TRAPPC9: variants seen among roughly 807,000 people sequenced by gnomAD.
The protein encoded by TRAPPC9 is IKK2 binding protein.
TRAPPC9 carries 83 observed loss-of-function variants against 124.0 expected under a neutral mutation model. That is an observed-to-expected ratio of 0.67 (90% CI 0.56 to 0.80). The LOEUF (loss-of-function observed/expected upper bound fraction) is 0.80. Ranked by LOEUF, TRAPPC9 falls within the 30% of genes least tolerant of loss-of-function variation. TRAPPC9 has a pLI of 0.00. For synonymous variants in TRAPPC9, 638 were observed against 617.5 expected, an observed-to-expected ratio of 1.03 and a Z score of -0.49; for missense variants, 1,302 against 1,508.3, an observed-to-expected ratio of 0.86 and a Z score of 2.27.
intron 4 of TRAPPC9, among the ~76,000 whole-genome samples, chr8:140,430,772 G>A (rs1450513516): frequency 6.6e-6 from 1 of 152,118 alleles, no homozygotes; most frequent in African/African-American, 2.4e-5. Flanking sequence ...TTGAGTAGCT[G>A]GGACTACAGG....
intron 21 of TRAPPC9, among the ~76,000 whole-genome samples, chr8:139,754,980 G>C (rs1405976416): frequency 1.3e-5 from 2 of 152,256 alleles, no homozygotes; most frequent in Non-Finnish European, 2.9e-5. Flanking sequence ...AGCTGTCACT[G>C]CCAGGGGCCC....
chr8:140,419,370 A>G lies in TRAPPC9; in HGVS notation c.886+7245T>C, dbSNP rs191436254. ...CGTGAACCTCGGAGGTGGAGCTTGC[A>G]GTGAGCTGAGATCGCACCACTGCAC... On this transcript the variant is annotated intron_variant, in intron 5 of 22. Transcript: ENST00000438773. Among the ~76,000 whole-genome samples the G allele has an allele frequency of 5.0e-3, 684 of 136,772 alleles. 6 individuals are homozygous for G. The highest frequency in any genetic ancestry group is 0.017 in the African/African-American group (644 of 37,230). 89.7% of individuals were successfully genotyped at this position (136,772 alleles called of 152,430 possible). A position where few individuals can be genotyped will look rare whatever the true frequency, so the allele number is the denominator to read the frequency against.
In TRAPPC9 at chr8:140,277,092, C is replaced by T. The variant is rs144952030; in HGVS notation, c.2115-1271G>A. Among the ~76,000 whole-genome samples, 143 of 152,260 alleles carry T rather than the reference C, an allele frequency of 9.4e-4. No individual in the cohort carries two copies. The Middle Eastern group carries it at 0.01, about 11-fold the overall frequency. On this transcript the variant is annotated intron_variant, in intron 14 of 22. Coordinates refer to ENST00000438773, the MANE Select transcript of TRAPPC9 (RefSeq NM_001160372.4). ...TCGGAGTCGGATCTGCTTCCCACGC[C>T]GAAGCACTTGGTGTCACACACTATT... is the stretch of plus-strand genomic sequence containing the variant.
In TRAPPC9 at chr8:139,956,043, CGA is replaced by C. The variant is rs1234290670; in HGVS notation, c.2810+32681_2810+32682del. Among the ~76,000 whole-genome samples the C allele has an allele frequency of 2.6e-5, 4 of 152,194 alleles. No homozygotes were observed. In the South Asian group the frequency reaches 6.2e-4, roughly 24 times the overall value. ...AGCTGGTTAGCACGCGGAGACCTGACGAGAGTGTGGCTGTGCCTAGAACCAGC... is the reference window on the plus strand; with the variant it reads ...AGCTGGTTAGCACGCGGAGACCTGACGAGTGTGGCTGTGCCTAGAACCAGC... On this transcript the variant is annotated intron_variant, in intron 19 of 22. Coordinates refer to ENST00000438773, the MANE Select transcript of TRAPPC9 (RefSeq NM_001160372.4).
intron 17 of TRAPPC9, among the ~76,000 whole-genome samples, chr8:140,202,261 T>C (rs567967860): frequency 6.6e-6 from 1 of 151,760 alleles, no homozygotes; most frequent in East Asian, 1.9e-4. Flanking sequence ...GGCCAAATTA[T>C]GACAAGTGAA....
rs556440178 is a variant in TRAPPC9, at chr8:140,182,542, C to T, written c.2556+38917G>A. Reference sequence around the variant, plus strand: ...TACTATTTTAAGGCAATTTAGTGCACGCTGATCTAAGCTCACTGATCGAAG... The same window carrying T: ...TACTATTTTAAGGCAATTTAGTGCATGCTGATCTAAGCTCACTGATCGAAG... On this transcript the variant is annotated intron_variant, in intron 17 of 22. Coordinates refer to ENST00000438773, the MANE Select transcript of TRAPPC9 (RefSeq NM_001160372.4). The surrounding 1 kb of genome is among the most constrained non-coding windows in gnomAD (Gnocchi z 4.0). Among the ~76,000 whole-genome samples the T allele has an allele frequency of 5.1e-4, 77 of 152,272 alleles. No homozygotes were observed. The highest frequency in any genetic ancestry group is 1.6e-3 in the African/African-American group (67 of 41,564).
At chr8:140,082,258 T>TTC (rs397695836) in intron 17 of TRAPPC9, 1 of 151,828 alleles carries the variant, frequency 6.6e-6, no homozygotes, top group African/African-American at 2.4e-5. Flanking sequence ...TTTTTTTTTT[T>TTC]CCCTAAGAAT....
intron 17 of TRAPPC9, among the ~76,000 whole-genome samples, chr8:140,058,874 C>A (rs1280370162): frequency 6.6e-6 from 1 of 152,134 alleles, no homozygotes; most frequent in African/African-American, 2.4e-5. Context: ...TCGGGAGAGT[C>A]AGGAGGGCCT....
At chr8:140,324,363 T>G (rs1240878849) in intron 9 of TRAPPC9, among the ~76,000 whole-genome samples, 1 of 152,204 alleles carries the variant, frequency 6.6e-6, no homozygotes, top group Non-Finnish European at 1.5e-5. Context: ...ATACTAAATT[T>G]GTATGTACTT....
At chr8:139,828,345 T>C (rs1825772332) in intron 21 of TRAPPC9, among the ~76,000 whole-genome samples, 1 of 152,214 alleles carries the variant, frequency 6.6e-6, no homozygotes, top group African/African-American at 2.4e-5. Flanking sequence ...CCTCCTAGCA[T>C]TCTCTTTTAT....
chr8:140,340,674 A>C (rs1307909062), intron 9 of TRAPPC9, among the ~76,000 whole-genome samples: 2 of 152,232 alleles, frequency 1.3e-5, no homozygotes, highest in Non-Finnish European at 2.9e-5. Flanking sequence ...CCAGGATACA[A>C]ACCCAGCTCT....
chr8:140,391,860 C>G (rs1446800390), intron 7 of TRAPPC9, among the ~76,000 whole-genome samples: 1 of 152,036 alleles, frequency 6.6e-6, no homozygotes, highest in Non-Finnish European at 1.5e-5. Flanking sequence ...AACCCCATCT[C>G]TACCAAAAAT....
intron 19 of TRAPPC9, among the ~76,000 whole-genome samples, chr8:139,925,820 C>CGCACAG (rs1491538489): frequency 2.1e-5 from 2 of 93,228 alleles, no homozygotes; most frequent in Non-Finnish European, 4.3e-5. Context: ...CACACGCACA[C>CGCACAG]GCACACGCAC....
chr8:140,119,764 C>A (rs1334151729), intron 17 of TRAPPC9, among the ~76,000 whole-genome samples: 1 of 152,216 alleles, frequency 6.6e-6, no homozygotes, highest in African/African-American at 2.4e-5. Flanking sequence ...TATTCTACCT[C>A]ATACCATGGG....
rs567640481 is a variant in TRAPPC9, at chr8:139,760,172, G to C, written c.3056-27970C>G. Among the ~76,000 whole-genome samples, 3 of 152,328 alleles carry C rather than the reference G, an allele frequency of 2.0e-5. No homozygotes were observed. In the East Asian group the frequency reaches 5.8e-4, roughly 29 times the overall value. On this transcript the variant is annotated intron_variant, in intron 21 of 22. Coordinates refer to ENST00000438773, the MANE Select transcript of TRAPPC9 (RefSeq NM_001160372.4). ...TGGCTTGGGGGCTGCAGCGAGGCCA[G>C]GTCTGTGTGGCTCTGTGAGTAGGGG... is the stretch of plus-strand genomic sequence containing the variant.
At chr8:140,089,862 G>A (rs117621756) in intron 17 of TRAPPC9, among the ~76,000 whole-genome samples, 8 of 152,236 alleles carry the variant, frequency 5.3e-5, no homozygotes, top group East Asian at 1.9e-4. Flanking sequence ...GGCATATCAC[G>A]AGGTGAGGAG....
intron 17 of TRAPPC9, chr8:140,099,100 G>C (rs1279085297): frequency 2.0e-5 from 3 of 151,194 alleles, no homozygotes; most frequent in Non-Finnish European, 1.5e-5. Flanking sequence ...CGCCACCGCA[G>C]GGTAAGACAC....
intron 21 of TRAPPC9, among the ~76,000 whole-genome samples, chr8:139,758,964 C>T (rs916529204): frequency 1.3e-5 from 2 of 152,194 alleles, no homozygotes; most frequent in Non-Finnish European, 2.9e-5. Context: ...GCAGCCCTGG[C>T]CTCCCTGGCA....
chr8:139,806,765 C>T (rs1824094620), intron 21 of TRAPPC9, among the ~76,000 whole-genome samples: 1 of 152,238 alleles, frequency 6.6e-6, no homozygotes, highest in Non-Finnish European at 1.5e-5. Context: ...CTGCAGGATT[C>T]ACACCAGGCC....
Sources: gnomAD v4.1 joint callset for allele counts (sites outside exome capture counted in the v4.1 genomes callset) on GRCh38, gnomAD v4.1.1 for gene constraint, Gnocchi (gnomAD v3.1) non-coding constraint, MANE v1.5 for transcripts, NCBI Gene and HGNC (gene_info 2026-07-23, HGNC 2026-07-21) for gene names.